The following FAM135B variants were observed in gnomAD, a reference collection of about 807,000 sequenced individuals.
The protein encoded by FAM135B is protein FAM135B.
FAM135B carries 43 observed loss-of-function variants against 127.7 expected under a neutral mutation model. That is an observed-to-expected ratio of 0.34 (90% confidence interval 0.26 to 0.43). FAM135B has a LOEUF of 0.43. FAM135B is among the 20% of genes least tolerant of loss of function. FAM135B has a pLI of 1.00. For synonymous variants in FAM135B, 670 were observed against 665.1 expected (o/e 1.01, Z -0.11); for missense variants, 1,558 against 1,725.6 (o/e 0.90, Z 1.72).
chr8:138,188,611 TG>T (rs1343851267), intron 9 of FAM135B, among the ~76,000 whole-genome samples: 1 of 152,198 alleles, frequency 6.6e-6, no homozygotes, highest in East Asian at 1.9e-4. Context: ...TTCAGCTCCG[TG>T]GTGCCTGGGG....
intron 1 of FAM135B, among the ~76,000 whole-genome samples, chr8:138,422,569 T>C (rs1834574324): frequency 6.6e-6 from 1 of 152,086 alleles, no homozygotes; most frequent in Non-Finnish European, 1.5e-5. Context: ...TACAATATCA[T>C]CTCACACCAG....
At position 138,251,109 on chromosome 8, in the gene FAM135B, AC is replaced by A; in HGVS notation, c.369-96del. 4 of 1,360,172 alleles carry A rather than the reference AC, an allele frequency of 2.9e-6. 1 individual carries two copies. The South Asian group carries it at 5.1e-5, about 17-fold the overall frequency. The allele number at this position is 1,360,172 out of a possible 1,614,324, so 84.3% of individuals were successfully genotyped here. A position where few individuals can be genotyped will look rare whatever the true frequency, so the allele number is the denominator to read the frequency against. ...TATTAAGCCTCTCCATGGGCCAAGC[AC>A]CATGCATACATCATCTCGTTCAATC... On this transcript the variant is annotated intron_variant, in intron 5 of 19. Transcript: ENST00000395297.
intron 7 of FAM135B, among the ~76,000 whole-genome samples, chr8:138,236,061 T>A (rs1820251365): frequency 6.6e-6 from 1 of 152,096 alleles, no homozygotes; most frequent in Admixed American, 6.5e-5. Flanking sequence ...GTTGGGAAAG[T>A]CAAATGCCGG....
intron 7 of FAM135B, among the ~76,000 whole-genome samples, chr8:138,199,570 C>T (rs190024171): frequency 6.6e-6 from 1 of 152,222 alleles, no homozygotes; most frequent in East Asian, 1.9e-4. Context: ...GTGTGGGTTA[C>T]CCTATGTATT....
At chr8:138,144,297 G>C (rs1207132189) in intron 15 of FAM135B, 1 of 152,214 alleles carries the variant, frequency 6.6e-6, no homozygotes, top group Non-Finnish European at 1.5e-5. Flanking sequence ...GCACGCACCT[G>C]TAGTTCAGGA....
intron 12 of FAM135B, among the ~76,000 whole-genome samples, chr8:138,166,493 G>A (rs572953949): frequency 1.3e-5 from 2 of 152,124 alleles, no homozygotes; most frequent in African/African-American, 2.4e-5. Context: ...ATCCATATAC[G>A]GTAAGTCCTC....
At chr8:138,257,137 G>C (rs147796841) in intron 4 of FAM135B, among the ~76,000 whole-genome samples, 1 of 152,082 alleles carries the variant, frequency 6.6e-6, no homozygotes, top group Admixed American at 6.6e-5. Flanking sequence ...CAGTGAACTC[G>C]CAGTGAAATC....
At chr8:138,184,210 G>A (rs954456288) in intron 9 of FAM135B, among the ~76,000 whole-genome samples, 2 of 152,158 alleles carry the variant, frequency 1.3e-5, no homozygotes, top group Non-Finnish European at 2.9e-5. Flanking sequence ...TACTGTTTTT[G>A]CCCCCTGAAG....
At chr8:138,215,686 A>G (rs11781486) in intron 7 of FAM135B, among the ~76,000 whole-genome samples, 109,326 of 152,084 alleles carry the variant, frequency 0.72, 39,403 homozygotes, top group Middle Eastern at 0.8. Context: ...GAACCCCCAA[A>G]TCATGTTGCA....
chr8:138,380,597 C>G (rs1831790629), intron 1 of FAM135B, among the ~76,000 whole-genome samples: 1 of 152,024 alleles, frequency 6.6e-6, no homozygotes, highest in Admixed American at 6.6e-5. Context: ...ATTTGAGGCC[C>G]AGAAAAGGGA....
intron 7 of FAM135B, among the ~76,000 whole-genome samples, chr8:138,209,110 T>G (rs927484590): frequency 3.3e-5 from 5 of 152,202 alleles, no homozygotes; most frequent in Non-Finnish European, 5.9e-5. Flanking sequence ...ATCATGATCC[T>G]AATTGCTGGG....
chr8:138,331,328 A>G (rs1489778770), intron 2 of FAM135B, among the ~76,000 whole-genome samples: 2 of 152,246 alleles, frequency 1.3e-5, no homozygotes, highest in African/African-American at 4.8e-5. Context: ...ATTTTTATCA[A>G]TAATGTGTAA....
intron 1 of FAM135B, among the ~76,000 whole-genome samples, chr8:138,382,323 G>C (rs1223664760): frequency 1.3e-5 from 2 of 152,142 alleles, no homozygotes; most frequent in Non-Finnish European, 2.9e-5. Flanking sequence ...TCTTCCCTGT[G>C]CTCTGCTTAA....
intron 3 of FAM135B, among the ~76,000 whole-genome samples, chr8:138,299,984 T>C (rs578130082): frequency 1.1e-4 from 16 of 152,266 alleles, no homozygotes; most frequent in Non-Finnish European, 4.4e-5. Context: ...ATTTATTTAT[T>C]TGAGACGGAA....
intron 1 of FAM135B, among the ~76,000 whole-genome samples, chr8:138,393,470 AAT>A (rs1832697484): frequency 6.6e-6 from 1 of 152,030 alleles, no homozygotes; most frequent in African/African-American, 2.4e-5. Context: ...AAAAAAAAAA[AAT>A]TTAAGAGTAT....
At chr8:138,344,051 C>G (rs151101316) in intron 2 of FAM135B, among the ~76,000 whole-genome samples, 234 of 152,216 alleles carry the variant, frequency 1.5e-3, no homozygotes, top group African/African-American at 5.0e-3. Flanking sequence ...GGGAGGCAGA[C>G]GGAGGCTAGG....
chr8:138,164,199 A>T (rs1320226593), intron 12 of FAM135B, among the ~76,000 whole-genome samples: 1 of 152,168 alleles, frequency 6.6e-6, no homozygotes, highest in Non-Finnish European at 1.5e-5. Flanking sequence ...TTTGTGAGAG[A>T]TCAAGGAGTT....
intron 1 of FAM135B, among the ~76,000 whole-genome samples, chr8:138,493,966 C>A (rs1480901280): frequency 2.0e-5 from 3 of 152,146 alleles, no homozygotes; most frequent in Non-Finnish European, 4.4e-5. Flanking sequence ...GAGCTGAAAT[C>A]AAGGAAAGAA....
intron 1 of FAM135B, among the ~76,000 whole-genome samples, chr8:138,436,261 G>C (rs541500091): frequency 7.2e-5 from 11 of 152,292 alleles, no homozygotes; most frequent in South Asian, 6.2e-4. Flanking sequence ...AACTCGGTAA[G>C]ATCAATGGAT....
Sources: allele counts gnomAD v4.1 joint callset (sites outside exome capture counted in the v4.1 genomes callset), GRCh38; gene constraint gnomAD v4.1.1; transcripts MANE v1.5; gene names NCBI Gene and HGNC (gene_info 2026-07-23, HGNC 2026-07-21).